Variants in PCDH15 observed in about 807,000 individuals in gnomAD.
PCDH15 encodes the protein protocadherin-15.
Under a neutral mutation model 178.5 loss-of-function variants are expected in PCDH15, and 129 were observed. The ratio of observed to expected loss-of-function variants is 0.72; its 90% CI spans 0.63 to 0.84. PCDH15 has a LOEUF of 0.84. PCDH15 is among the 40% of genes least tolerant of loss of function. PCDH15 has a pLI of 0.00. For synonymous variants in PCDH15, 800 were observed against 732.0 expected (o/e 1.09, Z -1.50); for missense variants, 2,230 against 2,099.9 (o/e 1.06, Z -1.21).
At position 54,566,721 on chromosome 10, in the gene PCDH15, GTTTA is replaced by G. The variant is rs2089098804; in HGVS notation, c.92-38848_92-38845del. ...TAGTCCATTGTCTGAAGGTACCACA[GTTTA>G]TTTATCCATTCACTTACTGTAGACC... On this transcript the variant is annotated intron_variant, in intron 2 of 37. Transcript: ENST00000644397. 1.3e-5 allele frequency among the ~76,000 whole-genome samples: 2 copies of G among 152,144 alleles called. 1 individual carries two copies.
intron 14 of PCDH15, among the ~76,000 whole-genome samples, chr10:54,134,327 G>A: frequency 1.1e-5 from 1 of 88,646 alleles, no homozygotes; most frequent in South Asian, 5.0e-4. Flanking sequence ...ACAGGTATGA[G>A]CACCACACCT....
At chr10:54,663,712 G>A (rs1308784316) in intron 2 of PCDH15, among the ~76,000 whole-genome samples, 6 of 150,722 alleles carry the variant, frequency 4.0e-5, no homozygotes, top group African/African-American at 1.5e-4. Context: ...AAATAGTGGG[G>A]GATAAAATAA....
At chr10:55,079,404 G>T (rs896473349) in intron 2 of PCDH15, among the ~76,000 whole-genome samples, 8 of 152,194 alleles carry the variant, frequency 5.3e-5, no homozygotes, top group Non-Finnish European at 8.8e-5. Context: ...TTAGAATGTG[G>T]TTATTAATGG....
chr10:54,496,405 T>C (rs2080116165), intron 3 of PCDH15, among the ~76,000 whole-genome samples: 1 of 152,060 alleles, frequency 6.6e-6, no homozygotes, highest in East Asian at 1.9e-4. Flanking sequence ...GGTTTTGAGA[T>C]ACAGGAACTA....
chr10:53,967,563 C>T (rs12571668), intron 21 of PCDH15, among the ~76,000 whole-genome samples: 5,237 of 152,232 alleles, frequency 0.034, 141 homozygotes, highest in East Asian at 0.13. Context: ...TAAACCACTG[C>T]ACCTGGCCTA....
intron 2 of PCDH15, among the ~76,000 whole-genome samples, chr10:55,625,549 A>G (rs1270430825): frequency 6.6e-6 from 1 of 152,180 alleles, no homozygotes; most frequent in Non-Finnish European, 1.5e-5. Flanking sequence ...TCAATTGTTA[A>G]GCATCTTCAG....
At chr10:55,210,613 C>CTTTTGTT in intron 1 of PCDH15, among the ~76,000 whole-genome samples, 1 of 35,902 alleles carries the variant, frequency 2.8e-5, no homozygotes, top group Non-Finnish European at 6.3e-5. Flanking sequence ...TTTCTTTTTT[C>CTTTTGTT]TTTTCTTTTT....
chr10:55,020,552 T>C (rs1840300977), intron 2 of PCDH15, among the ~76,000 whole-genome samples: 1 of 152,156 alleles, frequency 6.6e-6, no homozygotes, highest in South Asian at 2.1e-4. Flanking sequence ...GTTAATCTAT[T>C]ACTACATTTT....
chr10:55,085,960 C>T (rs781574872), intron 2 of PCDH15, among the ~76,000 whole-genome samples: 2 of 151,494 alleles, frequency 1.3e-5, no homozygotes, highest in Non-Finnish European at 3.0e-5. Flanking sequence ...TATCATCTAT[C>T]AAGGAGTATG....
At chr10:55,252,047 A>G (rs1841851550) in intron 1 of PCDH15, among the ~76,000 whole-genome samples, 2 of 152,200 alleles carry the variant, frequency 1.3e-5, no homozygotes, top group South Asian at 4.1e-4. Flanking sequence ...GAAGTGCTCA[A>G]ACAATATTTT....
chr10:54,437,784 T>G (rs1267426121), intron 3 of PCDH15, among the ~76,000 whole-genome samples: 6 of 152,202 alleles, frequency 3.9e-5, no homozygotes, highest in Non-Finnish European at 8.8e-5. Context: ...ATCAATCACC[T>G]TGATACATTT....
chr10:54,481,181 G>T (rs942752344), intron 3 of PCDH15, among the ~76,000 whole-genome samples: 1 of 151,760 alleles, frequency 6.6e-6, no homozygotes, highest in African/African-American at 2.4e-5. Flanking sequence ...GTTCATGCTT[G>T]AGCCAAATTT....
intron 11 of PCDH15, among the ~76,000 whole-genome samples, chr10:54,194,417 C>T (rs1213920992): frequency 6.6e-6 from 1 of 152,094 alleles, no homozygotes; most frequent in African/African-American, 2.4e-5. Context: ...CTAGTGGCTA[C>T]TATGTTGGAC....
At chr10:55,084,728 GA>G (rs377112487) in intron 2 of PCDH15, among the ~76,000 whole-genome samples, 3 of 151,806 alleles carry the variant, frequency 2.0e-5, no homozygotes, top group African/African-American at 4.8e-5. Context: ...AATTATATAG[GA>G]AAAAAATCTA....
At chr10:55,036,606 A>G (rs1840742345) in intron 2 of PCDH15, among the ~76,000 whole-genome samples, 1 of 152,082 alleles carries the variant, frequency 6.6e-6, no homozygotes, top group Admixed American at 6.6e-5. Context: ...ACTCCTTCTC[A>G]AGTTCTGTAC....
chr10:54,699,018 T>C (rs1310840835), intron 1 of PCDH15, among the ~76,000 whole-genome samples: 3 of 152,120 alleles, frequency 2.0e-5, no homozygotes, highest in Non-Finnish European at 4.4e-5. Flanking sequence ...AGTGTGTTCA[T>C]AAAAGTAATG....
At chr10:54,278,811 C>A (rs796640029) in intron 8 of PCDH15, among the ~76,000 whole-genome samples, 1 of 151,438 alleles carries the variant, frequency 6.6e-6, no homozygotes, top group Non-Finnish European at 1.5e-5. Context: ...ATCTGCGTAC[C>A]TTTTATCAGG....
chr10:55,294,131 A>G (rs1006797370), intron 1 of PCDH15, among the ~76,000 whole-genome samples: 27 of 152,158 alleles, frequency 1.8e-4, no homozygotes, highest in African/African-American at 6.5e-4. Context: ...GCAGGCAAAG[A>G]GAGAGCTTGT....
Position 54,433,819 on chromosome 10 carries a change from C to T in PCDH15, c.158-54877G>A, listed in dbSNP as rs139560539. On this transcript the variant is annotated intron_variant, in intron 3 of 37. Coordinates refer to ENST00000644397, the MANE Select transcript of PCDH15 (RefSeq NM_001384140.1). ...ATCTCACATACCCCATAAATATATA[C>T]ACCTATTATGTACCCAAAAATATTA... 3.4e-3 allele frequency among the ~76,000 whole-genome samples: 512 copies of T among 152,128 alleles called. 2 individuals are homozygous for T. The highest frequency in any genetic ancestry group is 0.012 in the African/African-American group (493 of 41,504).
Sources: allele counts gnomAD v4.1 joint callset (sites outside exome capture counted in the v4.1 genomes callset), GRCh38; gene constraint gnomAD v4.1.1; transcripts MANE v1.5; gene names NCBI Gene and HGNC (gene_info 2026-07-23, HGNC 2026-07-21).